The following DCAF6 variants were observed in gnomAD, a reference collection of about 807,000 sequenced individuals.
The protein encoded by DCAF6 is DDB1- and CUL4-associated factor 6.
Under a neutral mutation model 125.1 loss-of-function variants are expected in DCAF6, and 54 were observed. The observed-to-expected ratio is 0.43, with a 90% CI of 0.35 to 0.54. The LOEUF (loss-of-function observed/expected upper bound fraction) is 0.54, where lower values mean the gene tolerates loss of function less well. Ranked by LOEUF, DCAF6 falls within the 20% of genes least tolerant of loss-of-function variation. The pLI is 0.01. For synonymous variants in DCAF6, 371 were observed against 390.4 expected, an observed-to-expected ratio of 0.95 and a Z score of 0.58; for missense variants, 934 against 1,161.7, an observed-to-expected ratio of 0.80 and a Z score of 2.85.
intron 11 of DCAF6, among the ~76,000 whole-genome samples, chr1:168,017,911 A>G (rs537538667): frequency 8.5e-5 from 13 of 152,246 alleles, no homozygotes; most frequent in African/African-American, 2.9e-4. Context: ...TGCCAGTAAA[A>G]CATATTTCTG....
At chr1:167,977,167 G>T (rs1203296127) in intron 4 of DCAF6, among the ~76,000 whole-genome samples, 1 of 148,896 alleles carries the variant, frequency 6.7e-6, no homozygotes, top group Non-Finnish European at 1.5e-5. Flanking sequence ...GCCTCTCAAA[G>T]CTCTGGGATT....
chr1:168,011,431 A>G (rs1684269851), intron 10 of DCAF6, among the ~76,000 whole-genome samples: 1 of 152,156 alleles, frequency 6.6e-6, no homozygotes, highest in African/African-American at 2.4e-5. Context: ...TTTTTTAAAG[A>G]TAGCATATGA....
chr1:167,880,517 G>A, the DCAF6 span: 2 of 1,614,100 alleles, frequency 1.2e-6, no homozygotes, highest in South Asian at 1.1e-5. Flanking sequence ...GAGAGCAGAA[G>A]TCAAATATAT....
chr1:168,006,756 G>C (rs1410425769), intron 10 of DCAF6, among the ~76,000 whole-genome samples: 1 of 152,132 alleles, frequency 6.6e-6, no homozygotes, highest in Non-Finnish European at 1.5e-5. Flanking sequence ...GTATACTTCT[G>C]TCTATGCTTG....
intron 17 of DCAF6, among the ~76,000 whole-genome samples, chr1:168,055,079 A>T (rs917393793): frequency 3.9e-5 from 6 of 152,174 alleles, no homozygotes; most frequent in Non-Finnish European, 7.4e-5. Flanking sequence ...TGAACCATAA[A>T]TACATGGAAT....
chr1:168,062,937 A>T (rs1431985000), intron 17 of DCAF6, among the ~76,000 whole-genome samples: 1 of 145,780 alleles, frequency 6.9e-6, no homozygotes, highest in Non-Finnish European at 1.5e-5. Flanking sequence ...TTTGAGACAG[A>T]GTCTCGCTCT....
intron 12 of DCAF6, among the ~76,000 whole-genome samples, chr1:168,033,886 G>A (rs1369919462): frequency 1.3e-5 from 2 of 152,150 alleles, no homozygotes; most frequent in African/African-American, 2.4e-5. Flanking sequence ...AGTTAAAAGG[G>A]ATTTTTTCCC....
At chr1:167,905,477 A>G in the DCAF6 span, among the ~76,000 whole-genome samples, 1 of 152,218 alleles carries the variant, frequency 6.6e-6, no homozygotes, top group Non-Finnish European at 1.5e-5. Context: ...AGGCCCTCGC[A>G]GGGCAAGTCC....
the DCAF6 span, among the ~76,000 whole-genome samples, chr1:167,925,442 C>CGTATATATATATCT: frequency 2.4e-5 from 2 of 82,478 alleles, no homozygotes; most frequent in Admixed American, 1.3e-4. Context: ...TACATATACA[C>CGTATATATATATCT]ATATATATAT....
At chr1:168,002,704 AAT>A in intron 8 of DCAF6, 129 bp downstream of exon 8, 1 of 601,060 alleles carries the variant, frequency 1.7e-6, no homozygotes, top group Non-Finnish European at 2.7e-6. Flanking sequence ...TACTTATGCA[AAT>A]ATATCTTAGG....
chr1:167,923,817 A>C, the DCAF6 span, among the ~76,000 whole-genome samples: 3 of 152,176 alleles, frequency 2.0e-5, no homozygotes, highest in Admixed American at 1.3e-4. Context: ...TTTCAGATTT[A>C]GTAGGTCTGT....
chr1:168,037,217 A>T (rs376209264), intron 12 of DCAF6, among the ~76,000 whole-genome samples: 1 of 151,808 alleles, frequency 6.6e-6, no homozygotes, highest in Non-Finnish European at 1.5e-5. Flanking sequence ...GTGTGCTCCA[A>T]CATCTTCAAG....
intron 1 of DCAF6, among the ~76,000 whole-genome samples, chr1:167,949,189 G>A (rs1298520421): frequency 6.6e-6 from 1 of 152,164 alleles, no homozygotes; most frequent in Non-Finnish European, 1.5e-5. Context: ...TTGAAGTACA[G>A]AAAGACTTGA....
At chr1:167,925,478 T>TATATATATATAC in the DCAF6 span, among the ~76,000 whole-genome samples, 164 of 122,500 alleles carry the variant, frequency 1.3e-3, no homozygotes, top group Middle Eastern at 4.3e-3. Flanking sequence ...TATATATACA[T>TATATATATATAC]ATACATATAC....
chr1:167,904,365 C>G, the DCAF6 span, among the ~76,000 whole-genome samples: 1 of 152,070 alleles, frequency 6.6e-6, no homozygotes, highest in Non-Finnish European at 1.5e-5. Context: ...GGATTGCAGG[C>G]GTGAGCCACC....
At chr1:167,945,767 T>C (rs1312299389) in intron 1 of DCAF6, among the ~76,000 whole-genome samples, 1 of 151,784 alleles carries the variant, frequency 6.6e-6, no homozygotes, top group Non-Finnish European at 1.5e-5. Flanking sequence ...CCCAAAGTGC[T>C]GGGATTACAG....
Position 168,004,090 on chromosome 1 carries a change from C to G in DCAF6, c.1117+101C>G, listed in dbSNP as rs149966666. 4,055 of 1,322,340 alleles carry G rather than the reference C, an allele frequency of 3.1e-3. 121 individuals are homozygous for G. The Admixed American group carries it at 0.049, about 16-fold the overall frequency. 81.9% of individuals were successfully genotyped at this position (1,322,340 alleles called of 1,614,324 possible). A position where few individuals can be genotyped will look rare whatever the true frequency, so the allele number is the denominator to read the frequency against. Reference sequence around the variant, plus strand: ...ATGTAAATTATACCATGTTTTACATCTGTAATAATCACAAGGTTCTTATTG... The same window carrying G: ...ATGTAAATTATACCATGTTTTACATGTGTAATAATCACAAGGTTCTTATTG... On this transcript the variant is annotated intron_variant, in intron 9 of 21. Transcript: ENST00000367840.
intron 19 of DCAF6, 146 bp downstream of exon 19, chr1:168,065,892 T>G (rs1692266720): frequency 1.4e-6 from 1 of 691,380 alleles, no homozygotes; most frequent in Non-Finnish European, 2.2e-6. Context: ...CAGCTGAACT[T>G]GCACTTCAAA....
intron 12 of DCAF6, among the ~76,000 whole-genome samples, chr1:168,035,254 T>C (rs1687645675): frequency 6.6e-6 from 1 of 152,190 alleles, no homozygotes; most frequent in Admixed American, 6.5e-5. Flanking sequence ...AAGACCAGCC[T>C]GGGCAACATG....
Sources: gnomAD v4.1 joint callset for allele counts (sites outside exome capture counted in the v4.1 genomes callset) on GRCh38, gnomAD v4.1.1 for gene constraint, MANE v1.5 for transcripts, NCBI Gene and HGNC (gene_info 2026-07-23, HGNC 2026-07-21) for gene names.